Variants in DCT observed in about 807,000 individuals in gnomAD.
The protein encoded by DCT is L-dopachrome tautomerase.
Under a neutral mutation model 53.0 loss-of-function variants are expected in DCT, and 47 were observed. The observed-to-expected ratio is 0.89, with a 90% CI of 0.70 to 1.13. The LOEUF is 1.13. Ranked by LOEUF, DCT falls within the 50% of genes most tolerant of loss-of-function variation. DCT has a pLI of 0.00. For synonymous variants in DCT, 244 were observed against 237.0 expected, an observed-to-expected ratio of 1.03 and a Z score of -0.27; for missense variants, 669 against 637.4, an observed-to-expected ratio of 1.05 and a Z score of -0.53.
chr13:94,470,373 G>A (rs1165200592), intron 1 of DCT, among the ~76,000 whole-genome samples: 2 of 152,168 alleles, frequency 1.3e-5, no homozygotes, highest in Non-Finnish European at 2.9e-5. Flanking sequence ...ATAAGATCAA[G>A]CTCTGGGCAT....
At chr13:94,453,046 T>C (rs952618792) in intron 6 of DCT, among the ~76,000 whole-genome samples, 2 of 152,140 alleles carry the variant, frequency 1.3e-5, no homozygotes, top group African/African-American at 2.4e-5. Context: ...TAGAAAACTA[T>C]GCAACAACCT....
rs1382862944 is a variant in DCT at position 94,462,094 on chromosome 13, G to A, written c.959C>T (p.Pro320Leu). 1 of 1,612,568 alleles carries A rather than the reference G, an allele frequency of 6.2e-7. No individual in the cohort carries two copies. Among genetic ancestry groups the A allele is most frequent in the Non-Finnish European group, 8.5e-7 (1 of 1,179,522 alleles). ...GCAATCTCGTATGTCTTTTAAGGTT[G>A]GCAATTTCATGCTGTTTCTTCCCAT... ...NQMGRNSMKL[P>L]TLKDIRDCLS... is the part of the protein sequence containing the mutation. The change falls in exon 5 of 8, where the codon CCA (proline) becomes CTA (leucine). Residue 320 changes from proline (P) to leucine (L), a missense_variant. By Grantham distance (98) the Pro-to-Leu change is moderately conservative. Coordinates refer to ENST00000377028, the MANE Select transcript of DCT (RefSeq NM_001922.5).
intron 1 of DCT, among the ~76,000 whole-genome samples, chr13:94,470,105 G>A (rs1267115114): frequency 6.6e-5 from 10 of 151,614 alleles, no homozygotes; most frequent in African/African-American, 1.9e-4. Context: ...AAGAAAGGAA[G>A]AGAAAGAAAG....
rs1472654800 is a variant in DCT at position 94,468,728 on chromosome 13, G to C, written c.595+18C>G. ...ACAAACCTGTAATAATATACCTTCA[G>C]CCAAGGAAAAAACCCACCTAATAAT... is the stretch of plus-strand genomic sequence containing the variant. On this transcript the variant is annotated intron_variant, in intron 2 of 7. Transcript: ENST00000377028. The C allele has an allele frequency of 3.1e-6, 5 of 1,605,934 alleles. No homozygotes were observed. The highest frequency in any genetic ancestry group is 1.7e-5 in the Admixed American group (1 of 59,466).
At chr13:94,475,772 C>T (rs962320013) in intron 1 of DCT, among the ~76,000 whole-genome samples, 2 of 152,214 alleles carry the variant, frequency 1.3e-5, no homozygotes, top group African/African-American at 4.8e-5. Flanking sequence ...AATGGCAACA[C>T]AACTGTATAG....
At chr13:94,521,437 G>A in the DCT span, among the ~76,000 whole-genome samples, 1 of 152,248 alleles carries the variant, frequency 6.6e-6, no homozygotes, top group Non-Finnish European at 1.5e-5. Context: ...TTGGGAGGCC[G>A]AGGTGGGCGG....
intron 7 of DCT, among the ~76,000 whole-genome samples, 186 bp from the exon 8 acceptor site, chr13:94,440,262 G>T (rs1232743883): frequency 6.6e-6 from 1 of 152,132 alleles, no homozygotes. Flanking sequence ...TTTTCTTGGG[G>T]TAGTCAGAAC....
chr13:94,488,289 C>T, the DCT span, among the ~76,000 whole-genome samples: 3 of 152,004 alleles, frequency 2.0e-5, no homozygotes, highest in Non-Finnish European at 4.4e-5. Context: ...CCAGAAAATA[C>T]CACCTATACA....
At position 94,439,622 on chromosome 13, in the gene DCT, T is replaced by G. The variant is rs1882127720; in HGVS notation, c.*276A>C. On this transcript the variant is annotated 3_prime_UTR_variant, in exon 8 of 8. Coordinates refer to ENST00000377028, the MANE Select transcript of DCT (RefSeq NM_001922.5). Reference sequence around the variant, plus strand: ...TCAGAAAAGGAGGAGGCTTAATCAATATTGGGGGGGGGGTTATTATTAGAT... The same window carrying G: ...TCAGAAAAGGAGGAGGCTTAATCAAGATTGGGGGGGGGGTTATTATTAGAT... 3.0e-5 allele frequency: 6 copies of G among 199,722 alleles called. No homozygotes were observed. Among genetic ancestry groups the G allele is most frequent in the East Asian group, 1.0e-4 (1 of 9,794 alleles). 12.4% of individuals were successfully genotyped at this position (199,722 alleles called of 1,614,324 possible).
rs1884418766 is a variant in DCT, at chr13:94,468,936, A to G, written c.405T>C (p.Pro135=). The change falls in exon 2 of 8, where the codon CCT becomes CCC. Residue 135 remains proline (P), a synonymous_variant. Transcript: ENST00000377028. ...CGCCCAAGAACTGCTCTCTTTCCTG[A>G]GGACTCAAGGAATGGATGTTCTGCC... ...VIRQNIHSLS[P]QEREQFLGAL... is the part of the protein sequence containing the mutation. 5 of 1,613,904 alleles carry G rather than the reference A, an allele frequency of 3.1e-6. No homozygotes were observed. Among genetic ancestry groups the G allele is most frequent in the Non-Finnish European group, 4.2e-6 (5 of 1,179,962 alleles).
At chr13:94,486,612 GA>G in the DCT span, among the ~76,000 whole-genome samples, 1 of 152,164 alleles carries the variant, frequency 6.6e-6, no homozygotes. Flanking sequence ...GGGATCCAGG[GA>G]GAGATTTCTT....
At chr13:94,440,216 T>G (rs1882190757) in intron 7 of DCT, 140 bp from the exon 8 acceptor site, 1 of 626,932 alleles carries the variant, frequency 1.6e-6, no homozygotes, top group Non-Finnish European at 2.8e-6. Flanking sequence ...AAAATTTATC[T>G]TCTCCTTTCT....
At chr13:94,478,378 G>A (rs2139380782) in intron 1 of DCT, among the ~76,000 whole-genome samples, 1 of 152,186 alleles carries the variant, frequency 6.6e-6, no homozygotes, top group East Asian at 1.9e-4. Context: ...TTGGGAGGCT[G>A]AGGCAGGAGA....
the DCT span, among the ~76,000 whole-genome samples, chr13:94,546,888 A>G: frequency 6.6e-6 from 1 of 152,090 alleles, no homozygotes; most frequent in Non-Finnish European, 1.5e-5. This position sits in a 1 kb window ranked among gnomAD's most constrained non-coding sequence, Gnocchi z 4.2. Context: ...TCAAGTGAGC[A>G]TGGGTACAAC....
the DCT span, among the ~76,000 whole-genome samples, chr13:94,488,887 CACAT>C: frequency 6.7e-6 from 1 of 150,374 alleles, no homozygotes; most frequent in African/African-American, 2.5e-5. Flanking sequence ...CACACAAACA[CACAT>C]ATATATATAG....
the DCT span, among the ~76,000 whole-genome samples, chr13:94,536,873 G>A: frequency 2.6e-5 from 4 of 152,086 alleles, no homozygotes; most frequent in African/African-American, 7.2e-5. Context: ...GAACCCAGGA[G>A]GCAGAGGTTG....
At chr13:94,454,606 C>A (rs1883293066) in intron 6 of DCT, among the ~76,000 whole-genome samples, 1 of 152,160 alleles carries the variant, frequency 6.6e-6, no homozygotes, top group South Asian at 2.1e-4. Context: ...TTCTTTTGCT[C>A]ATTATTGTGA....
chr13:94,506,554 T>C, the DCT span, among the ~76,000 whole-genome samples: 1 of 152,038 alleles, frequency 6.6e-6, no homozygotes, highest in Non-Finnish European at 1.5e-5. Flanking sequence ...ATAAAAAAAT[T>C]AATGTGTGAG....
rs1882097683 is a variant in DCT, at chr13:94,439,191, CTACT to C, written c.*703_*706del. On this transcript the variant is annotated 3_prime_UTR_variant, in exon 8 of 8. Coordinates refer to ENST00000377028, the MANE Select transcript of DCT (RefSeq NM_001922.5). ...AGCTATTGAATCCTGTAATATAGGT[CTACT>C]GTTTAAAACTGCAGATTTTAAGTAA... 6.6e-6 allele frequency: 1 copy of C among 152,518 alleles called. No individual in the cohort carries two copies. Among genetic ancestry groups the C allele is most frequent in the Non-Finnish European group, 1.5e-5 (1 of 68,334 alleles). The allele number at this position is 152,518 out of a possible 1,614,324, so 9.4% of individuals were successfully genotyped here.
Sources: allele counts gnomAD v4.1 joint callset (sites outside exome capture counted in the v4.1 genomes callset), GRCh38; gene constraint gnomAD v4.1.1; non-coding constraint Gnocchi (gnomAD v3.1); transcripts MANE v1.5; gene names NCBI Gene and HGNC (gene_info 2026-07-23, HGNC 2026-07-21).